Variants in CNTLN observed in about 807,000 individuals in gnomAD.
The protein encoded by CNTLN is centlein, centrosomal protein.
CNTLN carries 212 observed loss-of-function variants against 180.0 expected under a neutral mutation model. The ratio of observed to expected loss-of-function variants is 1.18; its 90% confidence interval spans 1.05 to 1.32. The LOEUF is 1.32. CNTLN is among the 40% of genes most tolerant of loss of function. The probability of loss-of-function intolerance (pLI) is 0.00; values close to 1 mark genes in which losing one functional copy is unlikely to be tolerated. For synonymous variants in CNTLN, 722 were observed against 563.1 expected, an observed-to-expected ratio of 1.28 and a Z score of -3.99; for missense variants, 2,095 against 1,610.9, an observed-to-expected ratio of 1.30 and a Z score of -5.14.
intron 12 of CNTLN, among the ~76,000 whole-genome samples, chr9:17,346,282 G>A (rs1347792119): frequency 6.6e-6 from 1 of 152,038 alleles, no homozygotes; most frequent in African/African-American, 2.4e-5. Flanking sequence ...AACAGCATGA[G>A]AACTGCCCCC....
At chr9:17,491,218 G>A (rs573922457) in intron 25 of CNTLN, among the ~76,000 whole-genome samples, 96 of 152,028 alleles carry the variant, frequency 6.3e-4, no homozygotes, top group Middle Eastern at 3.4e-3. Context: ...GCCTGTGCTC[G>A]GGAATCATTA....
intron 2 of CNTLN, among the ~76,000 whole-genome samples, chr9:17,218,192 C>A (rs76720767): frequency 6.6e-6 from 1 of 151,978 alleles, no homozygotes; most frequent in Non-Finnish European, 1.5e-5. Flanking sequence ...TATAATAGTT[C>A]TAAATTCTGG....
chr9:17,481,141 C>T (rs115259904), intron 23 of CNTLN, among the ~76,000 whole-genome samples: 1,547 of 152,268 alleles, frequency 0.01, 30 homozygotes, highest in African/African-American at 0.036. Context: ...TGGACCCCGC[C>T]GACCAAGGAG....
chr9:17,243,046 C>T lies in CNTLN; in HGVS notation c.849+6458C>T, dbSNP rs958747732. On this transcript the variant is annotated intron_variant, in intron 5 of 25. Coordinates refer to ENST00000380647, the MANE Select transcript of CNTLN (RefSeq NM_017738.4). ...GATCTGTTCAGGTTTTGGATTTATT[C>T]GTGGTTCTGTCTTAGTAGGTTGTAT... Among the ~76,000 whole-genome samples the T allele has an allele frequency of 9.9e-5, 15 of 151,716 alleles. No individual in the cohort carries two copies. In the East Asian group the frequency reaches 1.5e-3, roughly 16 times the overall value.
chr9:17,316,856 A>G lies in CNTLN; in HGVS notation c.1341+7604A>G, dbSNP rs1057159997. 9.9e-5 allele frequency among the ~76,000 whole-genome samples: 15 copies of G among 152,226 alleles called. 1 individual carries two copies. Among genetic ancestry groups the G allele is most frequent in the African/African-American group, 3.6e-4 (15 of 41,556 alleles). On this transcript the variant is annotated intron_variant, in intron 8 of 25. Coordinates refer to ENST00000380647, the MANE Select transcript of CNTLN (RefSeq NM_017738.4). ...GGATTATAACTAACAATTTACAGCA[A>G]TCTCATAGAAATTCATGTGAACTTA...
chr9:17,262,366 A>G (rs1351076666), intron 5 of CNTLN, among the ~76,000 whole-genome samples: 1 of 151,708 alleles, frequency 6.6e-6, no homozygotes, highest in African/African-American at 2.4e-5. Context: ...AAAATGTGGT[A>G]GATATACACC....
At chr9:17,350,332 G>C (rs550501151) in intron 12 of CNTLN, among the ~76,000 whole-genome samples, 1 of 152,158 alleles carries the variant, frequency 6.6e-6, no homozygotes, top group Non-Finnish European at 1.5e-5. Flanking sequence ...CAGTGGTTTA[G>C]TAATAGGTCT....
At chr9:17,362,785 G>T (rs932801219) in intron 12 of CNTLN, among the ~76,000 whole-genome samples, 1 of 151,922 alleles carries the variant, frequency 6.6e-6, no homozygotes, top group Non-Finnish European at 1.5e-5. Context: ...CATGTGCAGA[G>T]TATGCAGGTT....
At chr9:17,263,509 G>A (rs1376869955) in intron 5 of CNTLN, among the ~76,000 whole-genome samples, 1 of 151,614 alleles carries the variant, frequency 6.6e-6, no homozygotes, top group Non-Finnish European at 1.5e-5. Flanking sequence ...ACATATGTGT[G>A]CATGTGTCTT....
intron 23 of CNTLN, among the ~76,000 whole-genome samples, chr9:17,483,402 T>C (rs1368597541): frequency 2.0e-5 from 3 of 152,206 alleles, no homozygotes; most frequent in Non-Finnish European, 4.4e-5. Context: ...TAGAATTAAG[T>C]AACAGCTGTC....
intron 13 of CNTLN, among the ~76,000 whole-genome samples, chr9:17,374,853 T>C (rs1310409546): frequency 6.7e-6 from 1 of 148,422 alleles, no homozygotes; most frequent in Admixed American, 6.8e-5. Context: ...GAAGTGAGAC[T>C]CCATCTCAGG....
intron 8 of CNTLN, among the ~76,000 whole-genome samples, chr9:17,324,891 A>T (rs773014878): frequency 6.6e-6 from 1 of 152,042 alleles, no homozygotes; most frequent in Non-Finnish European, 1.5e-5. Flanking sequence ...AGATGGTGAT[A>T]GTTTATTTTT....
At chr9:17,485,336 C>T (rs1439154860) in intron 24 of CNTLN, among the ~76,000 whole-genome samples, 3 of 152,124 alleles carry the variant, frequency 2.0e-5, no homozygotes, top group Admixed American at 2.0e-4. Context: ...AGCAAATCTA[C>T]AATATGTAAA....
chr9:17,321,038 A>G (rs370880397), intron 8 of CNTLN, among the ~76,000 whole-genome samples: 1 of 152,160 alleles, frequency 6.6e-6, no homozygotes. Context: ...TTTCAAAACA[A>G]ATTTATTCCT....
rs545523739 is a variant in CNTLN, at chr9:17,186,354, C to G, written c.450-39849C>G. ...TGGGTAGTTGTCATGTTAAAAGAAT[C>G]TCAGCAACAAAATAGGATTCATGTT... is the stretch of plus-strand genomic sequence containing the variant. On this transcript the variant is annotated intron_variant, in intron 2 of 25. Coordinates refer to ENST00000380647, the MANE Select transcript of CNTLN (RefSeq NM_017738.4). Among the ~76,000 whole-genome samples, 4 of 152,224 alleles carry G rather than the reference C, an allele frequency of 2.6e-5. No individual in the cohort carries two copies. In the East Asian group the frequency reaches 5.8e-4, roughly 22 times the overall value.
intron 5 of CNTLN, among the ~76,000 whole-genome samples, chr9:17,255,464 T>TTCTTGATG (rs58886223): frequency 0.22 from 32,957 of 151,582 alleles, 4,714 homozygotes; most frequent in African/African-American, 0.41. Flanking sequence ...TTTTGTCTTT[T>TTCTTGATG]ATTCTTTCAT....
intron 23 of CNTLN, among the ~76,000 whole-genome samples, chr9:17,481,484 C>A (rs1832643785): frequency 1.3e-5 from 2 of 152,160 alleles, no homozygotes; most frequent in South Asian, 4.1e-4. Flanking sequence ...ACTGACCAAC[C>A]ACACAGCAAA....
chr9:17,388,754 A>G (rs1825874290), intron 14 of CNTLN, among the ~76,000 whole-genome samples: 2 of 151,930 alleles, frequency 1.3e-5, no homozygotes, highest in South Asian at 4.1e-4. Context: ...GATTTAGTAC[A>G]GCATTTTATG....
At chr9:17,438,964 T>C (rs368500071) in intron 18 of CNTLN, among the ~76,000 whole-genome samples, 3 of 152,276 alleles carry the variant, frequency 2.0e-5, no homozygotes, top group East Asian at 3.9e-4. Flanking sequence ...GGTTAAAGTA[T>C]ATCAAGAAGG....
Sources: allele counts gnomAD v4.1 joint callset (sites outside exome capture counted in the v4.1 genomes callset), GRCh38; gene constraint gnomAD v4.1.1; transcripts MANE v1.5; gene names NCBI Gene and HGNC (gene_info 2026-07-23, HGNC 2026-07-21).